The following CCDC192 variants were observed in gnomAD, a reference collection of about 807,000 sequenced individuals.
The protein encoded by CCDC192 is coiled-coil domain-containing protein 192.
intron 2 of CCDC192, among the ~76,000 whole-genome samples, chr5:127,746,872 C>G (rs1212971260): frequency 6.6e-6 from 1 of 152,036 alleles, no homozygotes; most frequent in African/African-American, 2.4e-5. Context: ...GGCAGAGACT[C>G]AAGGTTCAAT....
At chr5:127,804,018 C>A (rs923257469) in intron 5 of CCDC192, among the ~76,000 whole-genome samples, 1 of 152,148 alleles carries the variant, frequency 6.6e-6, no homozygotes, top group Non-Finnish European at 1.5e-5. Context: ...GTGAGGAACT[C>A]AGGGCATGGG....
intron 2 of CCDC192, among the ~76,000 whole-genome samples, chr5:127,738,795 C>T (rs1017683377): frequency 6.6e-5 from 10 of 152,198 alleles, no homozygotes; most frequent in Admixed American, 3.9e-4. Context: ...CTTCTTTAAG[C>T]ACTTCTCTGT....
intron 6 of CCDC192, among the ~76,000 whole-genome samples, chr5:127,924,484 T>C (rs1753812666): frequency 1.3e-5 from 2 of 152,084 alleles, no homozygotes; most frequent in Non-Finnish European, 2.9e-5. Context: ...TAATAATAGA[T>C]GGAAACAAAA....
At chr5:127,805,564 A>G (rs995342316) in intron 5 of CCDC192, among the ~76,000 whole-genome samples, 1 of 152,316 alleles carries the variant, frequency 6.6e-6, no homozygotes, top group African/African-American at 2.4e-5. Flanking sequence ...AGTGGTTATA[A>G]TAGAGTTCTA....
intron 5 of CCDC192, among the ~76,000 whole-genome samples, chr5:127,844,730 C>T (rs537170474): frequency 6.6e-6 from 1 of 152,286 alleles, no homozygotes; most frequent in African/African-American, 2.4e-5. Context: ...ACAGTGGCAG[C>T]CTGCCGAGCA....
At chr5:127,916,074 A>G (rs1326407564) in intron 6 of CCDC192, among the ~76,000 whole-genome samples, 1 of 152,262 alleles carries the variant, frequency 6.6e-6, no homozygotes, top group East Asian at 1.9e-4. Flanking sequence ...TAATTTATCA[A>G]CTAAGCTTAT....
intron 3 of CCDC192, among the ~76,000 whole-genome samples, chr5:127,774,751 T>G (rs1755763128): frequency 6.6e-6 from 1 of 152,224 alleles, no homozygotes; most frequent in Non-Finnish European, 1.5e-5. Context: ...TGAGATTTCA[T>G]ATGAATTTTG....
At chr5:127,743,069 A>G (rs961456176) in intron 2 of CCDC192, among the ~76,000 whole-genome samples, 1 of 151,878 alleles carries the variant, frequency 6.6e-6, no homozygotes, top group Non-Finnish European at 1.5e-5. Context: ...CTCTGGCTTG[A>G]TGAGTTCAGC....
chr5:127,863,724 A>G (rs1751472363), intron 5 of CCDC192, among the ~76,000 whole-genome samples: 2 of 152,200 alleles, frequency 1.3e-5, no homozygotes, highest in Non-Finnish European at 2.9e-5. Context: ...TAAAATCACA[A>G]TTAAAAAGAA....
At chr5:127,800,624 C>T (rs1280607311) in intron 5 of CCDC192, among the ~76,000 whole-genome samples, 1 of 152,022 alleles carries the variant, frequency 6.6e-6, no homozygotes, top group East Asian at 1.9e-4. Context: ...ACCTGAATAT[C>T]TTGCTGACAC....
At chr5:127,771,252 G>A (rs988273248) in intron 3 of CCDC192, among the ~76,000 whole-genome samples, 2 of 152,206 alleles carry the variant, frequency 1.3e-5, no homozygotes, top group African/African-American at 4.8e-5. Context: ...AGAATTGGAG[G>A]TAGGAAGAGA....
At chr5:127,867,145 A>T (rs1322281039) in intron 5 of CCDC192, among the ~76,000 whole-genome samples, 1 of 152,100 alleles carries the variant, frequency 6.6e-6, no homozygotes, top group Non-Finnish European at 1.5e-5. Flanking sequence ...TACACCAAAA[A>T]CTCTAAAGGT....
chr5:127,776,572 A>G (rs556145113), intron 3 of CCDC192, among the ~76,000 whole-genome samples: 98 of 152,360 alleles, frequency 6.4e-4, no homozygotes, highest in African/African-American at 2.3e-3. Flanking sequence ...TGAGGAGCCA[A>G]ATGTTAATCA....
chr5:127,828,225 G>A (rs766717133), intron 5 of CCDC192, among the ~76,000 whole-genome samples: 1 of 152,140 alleles, frequency 6.6e-6, no homozygotes, highest in Non-Finnish European at 1.5e-5. Flanking sequence ...AGAATTTGAA[G>A]ACTTGACTCC....
In CCDC192 at chr5:127,737,141, G is replaced by C. The variant is rs375254899; in HGVS notation, c.115-17127G>C. On this transcript the variant is annotated intron_variant, in intron 2 of 6. Transcript: ENST00000514853. ...TCTGGTATGTTGTGTCTTTGTTCTCGTTGGTTTCAAAGAACATCTTCATTT... is the reference window on the plus strand; with the variant it reads ...TCTGGTATGTTGTGTCTTTGTTCTCCTTGGTTTCAAAGAACATCTTCATTT... 4.6e-5 allele frequency among the ~76,000 whole-genome samples: 7 copies of C among 151,694 alleles called. No individual in the cohort carries two copies. In the South Asian group the frequency reaches 1.0e-3, roughly 23 times the overall value.
At chr5:127,718,427 G>C (rs1159745251) in intron 2 of CCDC192, among the ~76,000 whole-genome samples, 1 of 152,002 alleles carries the variant, frequency 6.6e-6, no homozygotes, top group African/African-American at 2.4e-5. Flanking sequence ...TTCTCCATTT[G>C]GCTCCTTCAA....
intron 3 of CCDC192, among the ~76,000 whole-genome samples, chr5:127,760,308 C>G (rs1301037398): frequency 6.6e-6 from 1 of 151,032 alleles, no homozygotes; most frequent in Non-Finnish European, 1.5e-5. Context: ...ACTGAGTGCT[C>G]TTTAAAGGTT....
In CCDC192 at chr5:127,855,995, A is replaced by T. The variant is rs115234952; in HGVS notation, c.412-19543A>T. Among the ~76,000 whole-genome samples, 816 of 152,350 alleles carry T rather than the reference A, an allele frequency of 5.4e-3. 12 individuals are homozygous for T. Among genetic ancestry groups the T allele is most frequent in the African/African-American group, 0.019 (785 of 41,580 alleles). On this transcript the variant is annotated intron_variant, in intron 5 of 6. Coordinates refer to ENST00000514853, the MANE Select transcript of CCDC192 (RefSeq NM_001317938.2). ...TTTTGGAATGATAAATGAGAAAGTT[A>T]TCAGCTGCAGTTAGCCCTTCACAAG...
At chr5:127,844,831 G>T (rs911382502) in intron 5 of CCDC192, among the ~76,000 whole-genome samples, 5 of 152,224 alleles carry the variant, frequency 3.3e-5, no homozygotes, top group Non-Finnish European at 7.3e-5. Flanking sequence ...GTCAGCAGGT[G>T]TCCCTAAAAT....
Sources: allele counts gnomAD v4.1 joint callset (sites outside exome capture counted in the v4.1 genomes callset), GRCh38; gene constraint gnomAD v4.1.1; transcripts MANE v1.5; gene names NCBI Gene and HGNC (gene_info 2026-07-23, HGNC 2026-07-21).